LIN7A: variants seen among roughly 807,000 people sequenced by gnomAD.
The protein encoded by LIN7A is protein lin-7 homolog A.
In LIN7A, 25 loss-of-function variants were observed where a neutral mutation model predicts 29.8. That is an observed-to-expected ratio of 0.84 (90% CI 0.61 to 1.17). LIN7A has a LOEUF of 1.17. Among genes scored for constraint, LIN7A ranks in the 50% most tolerant of loss-of-function variants. The pLI is 0.00. For synonymous variants in LIN7A, 118 were observed against 107.5 expected, an observed-to-expected ratio of 1.10 and a Z score of -0.60; for missense variants, 239 against 287.0, an observed-to-expected ratio of 0.83 and a Z score of 1.21.
At chr12:80,836,218 A>T (rs955540043) in intron 4 of LIN7A, among the ~76,000 whole-genome samples, 2 of 152,152 alleles carry the variant, frequency 1.3e-5, no homozygotes, top group African/African-American at 2.4e-5. Context: ...TACTTTAGTC[A>T]CTTTGTTCTT....
chr12:80,816,880 T>C (rs1284321359), intron 4 of LIN7A, among the ~76,000 whole-genome samples: 1 of 152,218 alleles, frequency 6.6e-6, no homozygotes, highest in Non-Finnish European at 1.5e-5. Context: ...GCGACTCTTG[T>C]GCCTCAGCCT....
chr12:80,894,344 T>C (rs1920988), intron 1 of LIN7A, among the ~76,000 whole-genome samples: 102,941 of 151,938 alleles, frequency 0.68, 38,990 homozygotes, highest in Non-Finnish European at 0.87. Flanking sequence ...AGAAGGATTA[T>C]TTTCCTAGAA....
At chr12:80,880,554 C>G (rs146391092) in intron 2 of LIN7A, among the ~76,000 whole-genome samples, 1 of 152,166 alleles carries the variant, frequency 6.6e-6, no homozygotes, top group Non-Finnish European at 1.5e-5. Flanking sequence ...GAATAATTAT[C>G]AGTGTCTTTC....
chr12:80,808,258 C>T (rs1871134255), intron 5 of LIN7A, among the ~76,000 whole-genome samples: 1 of 152,186 alleles, frequency 6.6e-6, no homozygotes, highest in East Asian at 1.9e-4. Context: ...CCTGATCACA[C>T]AGTCAAGTTG....
At chr12:80,902,832 T>C (rs757677480) in intron 1 of LIN7A, among the ~76,000 whole-genome samples, 9 of 152,016 alleles carry the variant, frequency 5.9e-5, no homozygotes, top group Non-Finnish European at 1.2e-4. Flanking sequence ...CTTCTTCTTT[T>C]ACTATTTGGA....
chr12:80,882,348 G>T (rs1457872518), intron 2 of LIN7A, among the ~76,000 whole-genome samples: 4 of 122,406 alleles, frequency 3.3e-5, no homozygotes, highest in Admixed American at 8.8e-5. Context: ...GCAGTGGCGG[G>T]ATCTCGGCTC....
At chr12:80,885,964 C>G (rs182737974) in intron 2 of LIN7A, among the ~76,000 whole-genome samples, 1 of 152,104 alleles carries the variant, frequency 6.6e-6, no homozygotes, top group East Asian at 1.9e-4. Context: ...GTCCTGCTTT[C>G]TTTTTTGAGC....
chr12:80,851,734 G>A (rs1873345068), intron 2 of LIN7A, among the ~76,000 whole-genome samples: 1 of 149,944 alleles, frequency 6.7e-6, no homozygotes, highest in Admixed American at 6.7e-5. Flanking sequence ...TTGGGTCCCA[G>A]AATGTATGAC....
intron 1 of LIN7A, among the ~76,000 whole-genome samples, chr12:80,922,000 C>G (rs1164782580): frequency 6.6e-6 from 1 of 152,162 alleles, no homozygotes; most frequent in Non-Finnish European, 1.5e-5. Context: ...AATTCTACTG[C>G]CTTATTTGTT....
chr12:80,888,770 A>G (rs1005993115), intron 2 of LIN7A, among the ~76,000 whole-genome samples: 1 of 152,166 alleles, frequency 6.6e-6, no homozygotes, highest in African/African-American at 2.4e-5. Context: ...ATTAGTCAAG[A>G]AAGGATTACA....
chr12:80,806,530 A>T (rs1947461857), intron 5 of LIN7A, among the ~76,000 whole-genome samples: 1 of 152,196 alleles, frequency 6.6e-6, no homozygotes, highest in African/African-American at 2.4e-5. Flanking sequence ...CATCTCAGAT[A>T]AAAAAACATA....
In LIN7A at chr12:80,793,759, T is replaced by C. The variant is rs987370466; in HGVS notation, c.*3968A>G. On this transcript the variant is annotated 3_prime_UTR_variant, in exon 6 of 6. Coordinates refer to ENST00000552864, the MANE Select transcript of LIN7A (RefSeq NM_004664.4). ...AGAGATTTAGGGATGGTGTCTCCAA[T>C]TATTATGAATTTCTTAGAGAATGGT... 6.6e-6 allele frequency: 1 copy of C among 152,176 alleles called. No individual in the cohort carries two copies. Among genetic ancestry groups the C allele is most frequent in the South Asian group, 2.1e-4 (1 of 4,830 alleles). 9.4% of individuals were successfully genotyped at this position (152,176 alleles called of 1,614,324 possible). A position where few individuals can be genotyped will look rare whatever the true frequency, so the allele number is the denominator to read the frequency against.
intron 1 of LIN7A, among the ~76,000 whole-genome samples, chr12:80,925,640 T>C (rs1353032716): frequency 6.6e-6 from 1 of 152,170 alleles, no homozygotes; most frequent in Non-Finnish European, 1.5e-5. Flanking sequence ...CTTATTCAAG[T>C]AACTTTGAGG....
chr12:80,879,679 A>T (rs1369163109), intron 2 of LIN7A, among the ~76,000 whole-genome samples: 2 of 148,226 alleles, frequency 1.3e-5, no homozygotes, highest in African/African-American at 4.9e-5. Context: ...AAAAGGAAGA[A>T]GTTAAAATTT....
chr12:80,852,727 G>C (rs1873392397), intron 2 of LIN7A, among the ~76,000 whole-genome samples: 1 of 152,138 alleles, frequency 6.6e-6, no homozygotes, highest in Admixed American at 6.6e-5. Context: ...TTATAGTAGA[G>C]GTTTATTGCC....
At chr12:80,817,769 A>T (rs1000582732) in intron 4 of LIN7A, among the ~76,000 whole-genome samples, 6 of 152,108 alleles carry the variant, frequency 3.9e-5, no homozygotes, top group African/African-American at 1.4e-4. Flanking sequence ...GACTTACTCC[A>T]TTTTATAAGT....
intron 1 of LIN7A, among the ~76,000 whole-genome samples, chr12:80,926,318 C>CT (rs1283020135): frequency 6.6e-6 from 1 of 151,972 alleles, no homozygotes; most frequent in African/African-American, 2.4e-5. Flanking sequence ...ATAATTTTAG[C>CT]TTTTTTTGTT....
intron 4 of LIN7A, 50 bp downstream of exon 4, chr12:80,845,680 A>G (rs755860046): frequency 5.4e-5 from 81 of 1,504,804 alleles, no homozygotes; most frequent in Non-Finnish European, 7.2e-5. Context: ...AGGGGGCAAA[A>G]AAAAAGAATG....
intron 1 of LIN7A, among the ~76,000 whole-genome samples, chr12:80,908,594 A>G (rs1361835087): frequency 1.3e-5 from 2 of 152,096 alleles, no homozygotes; most frequent in African/African-American, 2.4e-5. Context: ...AGCCATTTCT[A>G]TACTTTTCTG....
Sources: allele counts gnomAD v4.1 joint callset (sites outside exome capture counted in the v4.1 genomes callset), GRCh38; gene constraint gnomAD v4.1.1; transcripts MANE v1.5; gene names NCBI Gene and HGNC (gene_info 2026-07-23, HGNC 2026-07-21).